RORA: variants seen among roughly 807,000 people sequenced by gnomAD.
RORA encodes the protein nuclear receptor ROR-alpha.
A neutral mutation model predicts 69.5 loss-of-function variants in RORA; 7 were observed. That is an observed-to-expected ratio of 0.10 (90% CI 0.06 to 0.19). The LOEUF is 0.19. RORA is among the 10% of genes least tolerant of loss of function. The pLI is 1.00. For synonymous variants in RORA, 261 were observed against 240.8 expected, an observed-to-expected ratio of 1.08 and a Z score of -0.78; for missense variants, 457 against 663.0, an observed-to-expected ratio of 0.69 and a Z score of 3.41.
intron 1 of RORA, among the ~76,000 whole-genome samples, chr15:60,912,286 G>A (rs1157263550): frequency 6.6e-6 from 1 of 152,052 alleles, no homozygotes; most frequent in African/African-American, 2.4e-5. Context: ...CCAGATGTGG[G>A]GGGGCTGCAT....
intron 1 of RORA, among the ~76,000 whole-genome samples, chr15:61,152,729 C>T (rs951452317): frequency 6.6e-6 from 1 of 152,144 alleles, no homozygotes; most frequent in African/African-American, 2.4e-5. Context: ...AAGCATCCAT[C>T]CATCCACAGA....
chr15:60,962,809 A>C (rs1001108629), intron 1 of RORA, among the ~76,000 whole-genome samples: 1 of 152,208 alleles, frequency 6.6e-6, no homozygotes, highest in Non-Finnish European at 1.5e-5. Flanking sequence ...GGAAAACACA[A>C]GCCTTGCTCA....
chr15:60,793,472 T>C (rs2072446830), intron 1 of RORA, among the ~76,000 whole-genome samples: 1 of 152,144 alleles, frequency 6.6e-6, no homozygotes, highest in South Asian at 2.1e-4. Flanking sequence ...CAGACAGAGG[T>C]AAGGTGGTTT....
intron 1 of RORA, among the ~76,000 whole-genome samples, chr15:60,711,523 C>A (rs1377589933): frequency 6.6e-6 from 1 of 152,094 alleles, no homozygotes; most frequent in Non-Finnish European, 1.5e-5. Context: ...ATTTTTGCAT[C>A]CTTCCTTCCT....
intron 2 of RORA, among the ~76,000 whole-genome samples, chr15:60,569,940 A>T (rs1041021550): frequency 6.6e-6 from 1 of 152,242 alleles, no homozygotes; most frequent in South Asian, 2.1e-4. Flanking sequence ...CAAGATAAAC[A>T]TGAGAAACCC....
Position 60,501,066 on chromosome 15 carries a change from C to T in RORA, c.1187G>A (p.Cys396Tyr), listed in dbSNP as rs1306823145. 1.3e-6 allele frequency: 2 copies of T among 1,553,242 alleles called. No individual in the cohort carries two copies. The highest frequency in any genetic ancestry group is 1.8e-6 in the Non-Finnish European group (2 of 1,128,822). ...ASPDVFKSLG[C>Y]EDFISFVFEF... ...AAACACAAAGCTAATAAAGTCTTCA[C>T]AACCTGCCAAAATGAAAACAAAGAC... is the stretch of plus-strand genomic sequence containing the variant. Residue 396 changes from cysteine (C) to tyrosine (Y), a missense_variant, in exon 9 of 11, where the codon TGT (cysteine) becomes TAT (tyrosine). Transcript: ENST00000335670.
intron 1 of RORA, among the ~76,000 whole-genome samples, chr15:60,912,967 T>A (rs1437816386): frequency 3.3e-5 from 5 of 152,192 alleles, no homozygotes; most frequent in Non-Finnish European, 7.3e-5. Context: ...AGTAAATGTA[T>A]AGAGTAGTAC....
At chr15:61,003,000 C>T (rs1226404310) in intron 1 of RORA, among the ~76,000 whole-genome samples, 1 of 147,530 alleles carries the variant, frequency 6.8e-6, no homozygotes, top group African/African-American at 2.5e-5. Context: ...AAAAATTAGC[C>T]AGGTGTGGTG....
rs553777751 is a variant in RORA, at chr15:61,217,050, C to T, written c.166+12003G>A. ...CAAACAAGTGCAGCTGAGTCCAAAC[C>T]GAAGGCCCCATTGGAAATATAAGAC... On this transcript the variant is annotated intron_variant, in intron 1 of 10. Transcript: ENST00000335670. Among the ~76,000 whole-genome samples, 296 of 152,228 alleles carry T rather than the reference C, an allele frequency of 1.9e-3. 1 individual carries two copies. The highest frequency in any genetic ancestry group is 6.5e-3 in the African/African-American group (272 of 41,534).
chr15:61,096,632 G>A (rs1437904083), intron 1 of RORA, among the ~76,000 whole-genome samples: 1 of 152,158 alleles, frequency 6.6e-6, no homozygotes, highest in Non-Finnish European at 1.5e-5. Flanking sequence ...TTCCAGGGAT[G>A]AGACAAGAGC....
chr15:61,033,419 C>CAAAACAA (rs1555403814), intron 1 of RORA, among the ~76,000 whole-genome samples: 1 of 150,530 alleles, frequency 6.6e-6, no homozygotes. Flanking sequence ...AAAAAAAAAA[C>CAAAACAA]AAAAACCAGT....
At chr15:61,012,037 G>A (rs997068050) in intron 1 of RORA, among the ~76,000 whole-genome samples, 7 of 152,200 alleles carry the variant, frequency 4.6e-5, no homozygotes, top group South Asian at 4.1e-4. Flanking sequence ...TGGAGCTTCC[G>A]TTCACCAAAA....
chr15:60,728,664 A>C (rs564887191), intron 1 of RORA, among the ~76,000 whole-genome samples: 24 of 152,362 alleles, frequency 1.6e-4, no homozygotes, highest in African/African-American at 5.8e-4. Context: ...CCAGTAAAAC[A>C]CACTAAAAGG....
chr15:60,855,885 G>T (rs923556485), intron 1 of RORA, among the ~76,000 whole-genome samples: 18 of 152,206 alleles, frequency 1.2e-4, no homozygotes, highest in African/African-American at 4.1e-4. Context: ...AAAGTGCTGG[G>T]ATTACAGGTG....
At chr15:60,948,513 C>A (rs1892973587) in intron 1 of RORA, among the ~76,000 whole-genome samples, 3 of 152,166 alleles carry the variant, frequency 2.0e-5, no homozygotes, top group Admixed American at 2.0e-4. Flanking sequence ...AAATGTCTGT[C>A]AGGGATAAGT....
chr15:61,155,505 A>G (rs931168102), intron 1 of RORA, among the ~76,000 whole-genome samples: 1 of 152,192 alleles, frequency 6.6e-6, no homozygotes, highest in Non-Finnish European at 1.5e-5. Context: ...TAATGAACAA[A>G]GCTAGAAGAG....
At chr15:61,065,813 C>T (rs1056803685) in intron 1 of RORA, among the ~76,000 whole-genome samples, 4 of 152,174 alleles carry the variant, frequency 2.6e-5, no homozygotes, top group Admixed American at 2.6e-4. Context: ...CATTGCATAA[C>T]CCCTAACTTT....
intron 1 of RORA, among the ~76,000 whole-genome samples, chr15:61,176,675 C>T (rs1179702741): frequency 4.6e-5 from 7 of 152,108 alleles, no homozygotes; most frequent in African/African-American, 1.7e-4. Flanking sequence ...TGAACATGGG[C>T]AAGCTGCAGT....
intron 1 of RORA, among the ~76,000 whole-genome samples, chr15:60,748,201 C>T (rs1022410037): frequency 7.3e-5 from 11 of 151,662 alleles, no homozygotes; most frequent in Non-Finnish European, 1.5e-4. Flanking sequence ...GACATAAATG[C>T]GCTGGCCTAA....
Sources: allele counts gnomAD v4.1 joint callset (sites outside exome capture counted in the v4.1 genomes callset), GRCh38; gene constraint gnomAD v4.1.1; transcripts MANE v1.5; gene names NCBI Gene and HGNC (gene_info 2026-07-23, HGNC 2026-07-21).